Variants in PPCDC observed in about 807,000 individuals in gnomAD.
PPCDC encodes phosphopantothenoylcysteine decarboxylase.
PPCDC carries 20 observed loss-of-function variants against 20.7 expected under a neutral mutation model. The observed-to-expected ratio is 0.97, with a 90% CI of 0.68 to 1.41. The LOEUF is 1.41. PPCDC is among the 40% of genes most tolerant of loss of function. The pLI is 0.00. For synonymous variants in PPCDC, 88 were observed against 100.3 expected (o/e 0.88, Z 0.73); for missense variants, 246 against 263.8 (o/e 0.93, Z 0.47).
chr15:75,029,777 C>G (rs1184254653), intron 2 of PPCDC, among the ~76,000 whole-genome samples: 1 of 152,080 alleles, frequency 6.6e-6, no homozygotes, highest in Non-Finnish European at 1.5e-5. Flanking sequence ...GGTGGGAGGC[C>G]TCTGCCACCA....
intron 2 of PPCDC, among the ~76,000 whole-genome samples, chr15:75,042,712 T>G (rs904693591): frequency 2.0e-4 from 30 of 152,118 alleles, no homozygotes; most frequent in Middle Eastern, 3.4e-3. Context: ...TCTAGTGCCC[T>G]TCACACTCCT....
At chr15:75,030,283 A>G (rs1035687768) in intron 2 of PPCDC, among the ~76,000 whole-genome samples, 1 of 152,226 alleles carries the variant, frequency 6.6e-6, no homozygotes, top group Non-Finnish European at 1.5e-5. Flanking sequence ...ACAGATGAAA[A>G]TGGTCCTGTG....
chr15:75,039,469 G>A (rs1025032161), intron 2 of PPCDC, among the ~76,000 whole-genome samples: 26 of 152,134 alleles, frequency 1.7e-4, no homozygotes. Flanking sequence ...TGCCTTGGGT[G>A]GGAAGAAGAC....
At chr15:75,045,438 A>G (rs967011354) in intron 4 of PPCDC, among the ~76,000 whole-genome samples, 2 of 152,200 alleles carry the variant, frequency 1.3e-5, no homozygotes, top group African/African-American at 4.8e-5. Context: ...CCTGTGGTAG[A>G]CATCCAATAA....
chr15:75,044,971 C>T (rs2066211905), intron 4 of PPCDC: 1 of 167,358 alleles, frequency 6.0e-6, no homozygotes, highest in Non-Finnish European at 1.3e-5. Context: ...ACTTTATCAC[C>T]CTTGTAGCTT....
At chr15:75,044,699 C>A in intron 4 of PPCDC, 185 bp downstream of exon 4, 3 of 788,394 alleles carry the variant, frequency 3.8e-6, no homozygotes, top group South Asian at 1.8e-5. Context: ...GGGCACAGCC[C>A]TGGTCCTGAT....
chr15:75,046,963 C>G (rs953497821), intron 4 of PPCDC, among the ~76,000 whole-genome samples: 1 of 152,266 alleles, frequency 6.6e-6, no homozygotes, highest in Non-Finnish European at 1.5e-5. Flanking sequence ...CAGGCCTTCT[C>G]CCCTGCCCAT....
At chr15:75,028,182 CG>C in intron 1 of PPCDC, 64 bp from the exon 2 acceptor site, 1 of 1,201,532 alleles carries the variant, frequency 8.3e-7, no homozygotes, top group Non-Finnish European at 1.1e-6. Context: ...GGGCCTAATA[CG>C]TGGTGCTCCA....
chr15:75,035,827 C>T (rs1595903904), intron 2 of PPCDC, among the ~76,000 whole-genome samples: 1 of 151,938 alleles, frequency 6.6e-6, no homozygotes, highest in Admixed American at 6.6e-5. Context: ...ATTAGCTGGG[C>T]GTGGTGGCGC....
intron 2 of PPCDC, among the ~76,000 whole-genome samples, chr15:75,031,747 A>G (rs1039580312): frequency 4.2e-4 from 64 of 152,208 alleles, no homozygotes; most frequent in Non-Finnish European, 2.8e-4. Context: ...AGAAAACCAT[A>G]TTTAGTTACA....
chr15:75,033,073 G>C (rs1299491937), intron 2 of PPCDC, among the ~76,000 whole-genome samples: 1 of 152,150 alleles, frequency 6.6e-6, no homozygotes, highest in Non-Finnish European at 1.5e-5. Flanking sequence ...AAAGTGCTGG[G>C]ATTACAAGCA....
chr15:75,048,774 G>T (rs1431371346), intron 5 of PPCDC, 53 bp downstream of exon 5: 5 of 1,583,542 alleles, frequency 3.2e-6, no homozygotes, highest in Admixed American at 1.8e-5. Context: ...GCTCAGCTTT[G>T]GGGTCATATC....
chr15:75,040,659 T>A (rs60425110), intron 2 of PPCDC, among the ~76,000 whole-genome samples: 47,014 of 151,942 alleles, frequency 0.31, 8,397 homozygotes, highest in East Asian at 0.6. Context: ...TTTATTTTTT[T>A]ATTTTTTTAT....
At chr15:75,048,403 A>G in intron 4 of PPCDC, 150 bp from the exon 5 acceptor site, 1 of 1,029,252 alleles carries the variant, frequency 9.7e-7, no homozygotes, top group Non-Finnish European at 1.4e-6. Context: ...CATAGCCCCC[A>G]CCCCTGAGGG....
intron 2 of PPCDC, among the ~76,000 whole-genome samples, chr15:75,034,255 A>C (rs1392659103): frequency 4.4e-4 from 67 of 152,222 alleles, no homozygotes. Context: ...TCAGACCTGG[A>C]GCTCATTCTC....
chr15:75,029,103 CAG>C (rs1279211107), intron 2 of PPCDC, among the ~76,000 whole-genome samples: 1 of 152,158 alleles, frequency 6.6e-6, no homozygotes, highest in African/African-American at 2.4e-5. Flanking sequence ...TGAAATCTAA[CAG>C]GGAGTGGCCC....
rs556168668 is a variant in PPCDC at position 75,026,900 on chromosome 15, A to G, written c.-72-1347A>G. ...TCCAGGGAGGGAATGACCCTGGACC[A>G]GGGTCACTCCAGGTCAGGAGCACAC... On this transcript the variant is annotated intron_variant, in intron 1 of 5. Coordinates refer to ENST00000342932, the MANE Select transcript of PPCDC (RefSeq NM_021823.5). Among the ~76,000 whole-genome samples, 451 of 152,252 alleles carry G rather than the reference A, an allele frequency of 3.0e-3. 7 individuals are homozygous for G. Among genetic ancestry groups the G allele is most frequent in the African/African-American group, 0.011 (440 of 41,550 alleles).
At chr15:75,031,400 T>C (rs1279105375) in intron 2 of PPCDC, among the ~76,000 whole-genome samples, 1 of 152,132 alleles carries the variant, frequency 6.6e-6, no homozygotes, top group African/African-American at 2.4e-5. Flanking sequence ...GCTAGGCTGC[T>C]TGGCTGGGCT....
intron 2 of PPCDC, 69 bp downstream of exon 2, chr15:75,028,522 A>G: frequency 6.3e-7 from 1 of 1,587,430 alleles, no homozygotes; most frequent in Non-Finnish European, 8.6e-7. Context: ...GGGATGGCCC[A>G]TTGCTCTGCA....
Sources: gnomAD v4.1 joint callset for allele counts (sites outside exome capture counted in the v4.1 genomes callset) on GRCh38, gnomAD v4.1.1 for gene constraint, MANE v1.5 for transcripts, NCBI Gene and HGNC (gene_info 2026-07-23, HGNC 2026-07-21) for gene names.